NPAS3: variants seen among roughly 807,000 people sequenced by gnomAD.
The protein encoded by NPAS3 is neuronal PAS domain protein 3.
Under a neutral mutation model 73.1 loss-of-function variants are expected in NPAS3, and 14 were observed. That is an observed-to-expected ratio of 0.19 (90% confidence interval 0.13 to 0.30). The LOEUF is 0.30. NPAS3 is among the 10% of genes least tolerant of loss of function. The pLI is 1.00. For synonymous variants in NPAS3, 620 were observed against 541.5 expected (o/e 1.14, Z -2.01); for missense variants, 1,096 against 1,250.0 (o/e 0.88, Z 1.86).
At chr14:33,342,427 A>C (rs1176062095) in intron 3 of NPAS3, among the ~76,000 whole-genome samples, 1 of 152,200 alleles carries the variant, frequency 6.6e-6, no homozygotes, top group Non-Finnish European at 1.5e-5. Flanking sequence ...TTCCTGGAGC[A>C]ATGTCTCAGA....
intron 2 of NPAS3, among the ~76,000 whole-genome samples, chr14:33,122,635 CA>C (rs2043272466): frequency 6.6e-6 from 1 of 152,060 alleles, no homozygotes; most frequent in Non-Finnish European, 1.5e-5. Flanking sequence ...TACTCAGGTT[CA>C]AACGATCTCA....
At chr14:33,362,226 C>T (rs541340344) in intron 3 of NPAS3, among the ~76,000 whole-genome samples, 36 of 151,518 alleles carry the variant, frequency 2.4e-4, no homozygotes, top group South Asian at 8.3e-4. Context: ...GATACTGAGG[C>T]GTTTTGTATT....
At chr14:33,088,944 A>G (rs918029848) in intron 2 of NPAS3, among the ~76,000 whole-genome samples, 5 of 152,210 alleles carry the variant, frequency 3.3e-5, no homozygotes, top group Non-Finnish European at 7.3e-5. Context: ...GCAAACTCCA[A>G]CAGACTTGCA....
At chr14:33,002,054 A>G (rs935783597) in intron 1 of NPAS3, among the ~76,000 whole-genome samples, 1 of 152,206 alleles carries the variant, frequency 6.6e-6, no homozygotes, top group Admixed American at 6.5e-5. Context: ...AGCTCATGTC[A>G]TGTATAACTC....
chr14:32,983,288 A>G, intron 1 of NPAS3, among the ~76,000 whole-genome samples: 1 of 152,266 alleles, frequency 6.6e-6, no homozygotes, highest in Middle Eastern at 3.4e-3. Flanking sequence ...TCTTTAGACT[A>G]TAAAAATTCT....
intron 4 of NPAS3, among the ~76,000 whole-genome samples, chr14:33,403,812 T>TTATCTC (rs527925011): frequency 1.3e-5 from 2 of 149,426 alleles, no homozygotes; most frequent in African/African-American, 4.9e-5. Flanking sequence ...CTGATGCCCT[T>TTATCTC]TCTCTCTCTC....
At chr14:33,736,369 G>A (rs1348007835) in intron 7 of NPAS3, among the ~76,000 whole-genome samples, 1 of 152,164 alleles carries the variant, frequency 6.6e-6, no homozygotes, top group Non-Finnish European at 1.5e-5. Context: ...ATCCTTCCAA[G>A]AAAGACCTTT....
intron 4 of NPAS3, among the ~76,000 whole-genome samples, chr14:33,536,088 A>T (rs2054249985): frequency 6.6e-6 from 1 of 152,172 alleles, no homozygotes; most frequent in Non-Finnish European, 1.5e-5. Flanking sequence ...AGTGCTAATA[A>T]GAGTTTGTAA....
At chr14:33,626,618 G>A (rs1426311690) in intron 5 of NPAS3, among the ~76,000 whole-genome samples, 1 of 152,108 alleles carries the variant, frequency 6.6e-6, no homozygotes, top group Non-Finnish European at 1.5e-5. Context: ...TTAAACTAAC[G>A]ATGCTACTCA....
At chr14:33,375,509 G>A (rs1371895070) in intron 4 of NPAS3, among the ~76,000 whole-genome samples, 3 of 152,084 alleles carry the variant, frequency 2.0e-5, no homozygotes, top group African/African-American at 7.2e-5. Context: ...AACAACTCAA[G>A]ATAATTTTGC....
chr14:33,728,944 A>T (rs2061337353), intron 6 of NPAS3, among the ~76,000 whole-genome samples: 1 of 152,188 alleles, frequency 6.6e-6, no homozygotes, highest in African/African-American at 2.4e-5. Flanking sequence ...AGTGACAGGG[A>T]TAGAGTGAAG....
At chr14:33,706,774 T>C (rs1294864162) in intron 6 of NPAS3, among the ~76,000 whole-genome samples, 1 of 152,110 alleles carries the variant, frequency 6.6e-6, no homozygotes, top group African/African-American at 2.4e-5. Context: ...GAGACGTCAA[T>C]AAGTTAGCCC....
intron 2 of NPAS3, among the ~76,000 whole-genome samples, chr14:33,186,271 C>G (rs1220840231): frequency 2.6e-5 from 4 of 152,140 alleles, no homozygotes; most frequent in Non-Finnish European, 5.9e-5. Flanking sequence ...CACTTGGAGA[C>G]CTGTTTGGTT....
At chr14:33,693,554 A>G (rs1429863361) in intron 6 of NPAS3, among the ~76,000 whole-genome samples, 1 of 152,192 alleles carries the variant, frequency 6.6e-6, no homozygotes, top group Non-Finnish European at 1.5e-5. Context: ...CTAGGAGTTG[A>G]CCAGCCATTT....
At chr14:33,257,967 C>T (rs2048838443) in intron 3 of NPAS3, among the ~76,000 whole-genome samples, 1 of 152,170 alleles carries the variant, frequency 6.6e-6, no homozygotes, top group African/African-American at 2.4e-5. Context: ...GATTTAACCA[C>T]ATTTTATAGA....
intron 6 of NPAS3, among the ~76,000 whole-genome samples, chr14:33,684,382 G>A (rs948476274): frequency 6.6e-6 from 1 of 151,882 alleles, no homozygotes; most frequent in Non-Finnish European, 1.5e-5. Context: ...CACAATCTCG[G>A]CTCACTACAA....
At chr14:33,263,982 T>C (rs2049073794) in intron 3 of NPAS3, among the ~76,000 whole-genome samples, 1 of 152,196 alleles carries the variant, frequency 6.6e-6, no homozygotes. Context: ...CATATGTTTA[T>C]TGCGGCACTA....
At chr14:33,178,379 A>AT (rs1157537631) in intron 2 of NPAS3, among the ~76,000 whole-genome samples, 4 of 151,966 alleles carry the variant, frequency 2.6e-5, no homozygotes, top group Non-Finnish European at 5.9e-5. Flanking sequence ...GGCCGAAGTG[A>AT]ATCTTTACAT....
At chr14:33,601,645 G>A (rs4981200) in intron 5 of NPAS3, among the ~76,000 whole-genome samples, 37,299 of 151,998 alleles carry the variant, frequency 0.25, 4,950 homozygotes, top group East Asian at 0.4. Flanking sequence ...GTATAATCTT[G>A]GGAACTAAAC....
Sources: allele counts gnomAD v4.1 joint callset (sites outside exome capture counted in the v4.1 genomes callset), GRCh38; gene constraint gnomAD v4.1.1; transcripts MANE v1.5; gene names NCBI Gene and HGNC (gene_info 2026-07-23, HGNC 2026-07-21).